BANP: variants seen among roughly 807,000 people sequenced by gnomAD.
BANP encodes the protein protein BANP.
In BANP, 11 loss-of-function variants were observed where a neutral mutation model predicts 68.1. The ratio of observed to expected loss-of-function variants is 0.16; its 90% CI spans 0.10 to 0.27. BANP has a LOEUF of 0.27. BANP is among the 10% of genes least tolerant of loss of function. The probability of loss-of-function intolerance (pLI) is 1.00; values close to 1 mark genes in which losing one functional copy is unlikely to be tolerated. For synonymous variants in BANP, 329 were observed against 303.2 expected (o/e 1.09, Z -0.88); for missense variants, 504 against 722.7 (o/e 0.70, Z 3.47).
chr16:88,005,772 A>C (rs2070860797), intron 5 of BANP, among the ~76,000 whole-genome samples: 1 of 152,252 alleles, frequency 6.6e-6, no homozygotes, highest in Admixed American at 6.5e-5. Flanking sequence ...AAAGACTCTT[A>C]CCAGCATTTT....
At chr16:88,033,269 C>T in intron 9 of BANP, 24 bp downstream of exon 9, 13 of 1,531,384 alleles carry the variant, frequency 8.5e-6, no homozygotes, top group Non-Finnish European at 1.2e-5. Context: ...CCACCTCACA[C>T]CTTGGGAAAG....
At chr16:88,037,789 G>A (rs773492811) in intron 10 of BANP, 184 bp from the exon 11 acceptor site, 25 of 620,712 alleles carry the variant, frequency 4.0e-5, no homozygotes, top group Admixed American at 8.3e-5. Flanking sequence ...ATAATAAATA[G>A]TACCTAGAAA....
chr16:88,060,469 A>T (rs1206036504), intron 11 of BANP, among the ~76,000 whole-genome samples: 2 of 152,100 alleles, frequency 1.3e-5, no homozygotes, highest in Non-Finnish European at 2.9e-5. Flanking sequence ...GACTGAAGTG[A>T]GCTTAGTGGG....
intron 7 of BANP, among the ~76,000 whole-genome samples, chr16:88,023,169 G>A (rs1228153090): frequency 3.3e-5 from 5 of 152,196 alleles, no homozygotes; most frequent in African/African-American, 1.2e-4. Context: ...TGAGAGCTGG[G>A]AGGAAGGTGT....
At chr16:87,960,962 A>G (rs539326672) in intron 1 of BANP, among the ~76,000 whole-genome samples, 4 of 152,358 alleles carry the variant, frequency 2.6e-5, no homozygotes, top group South Asian at 2.1e-4. Context: ...AGAGCTCCCA[A>G]TAAATCAGAT....
chr16:87,954,675 G>A (rs1161784725), intron 1 of BANP, among the ~76,000 whole-genome samples: 1 of 152,254 alleles, frequency 6.6e-6, no homozygotes, highest in Admixed American at 6.5e-5. Context: ...GGTTTGGCCT[G>A]CCCGCAGGGC....
chr16:88,030,699 GC>G (rs978380543), intron 8 of BANP, among the ~76,000 whole-genome samples: 1 of 152,218 alleles, frequency 6.6e-6, no homozygotes, highest in African/African-American at 2.4e-5. Flanking sequence ...AGCGTGTGAA[GC>G]CGAGTGTTTT....
At position 88,022,082 on chromosome 16, in the gene BANP, C is replaced by G. The variant is rs552488826; in HGVS notation, c.895+3415C>G. ...GGACCCCCCGAATTTGGGCAGCTAACCAAATTTGTGTGTTTTATGCAAAAG... is the reference window on the plus strand; with the variant it reads ...GGACCCCCCGAATTTGGGCAGCTAAGCAAATTTGTGTGTTTTATGCAAAAG... On this transcript the variant is annotated intron_variant, in intron 7 of 13. Transcript: ENST00000682872. Among the ~76,000 whole-genome samples, 15 of 152,268 alleles carry G rather than the reference C, an allele frequency of 9.9e-5. 1 individual carries two copies. In the South Asian group the frequency reaches 3.1e-3, roughly 32 times the overall value.
At chr16:88,032,190 C>T (rs2078327590) in intron 8 of BANP, among the ~76,000 whole-genome samples, 1 of 151,970 alleles carries the variant, frequency 6.6e-6, no homozygotes, top group African/African-American at 2.4e-5. Context: ...CACAGAATTT[C>T]ATCTTACTGC....
At chr16:87,976,516 GT>G (rs930752578) in intron 2 of BANP, among the ~76,000 whole-genome samples, 6 of 77,276 alleles carry the variant, frequency 7.8e-5, no homozygotes, top group African/African-American at 4.0e-4. Flanking sequence ...ATGTTTTATT[GT>G]TCTGTTAAGT....
intron 1 of BANP, among the ~76,000 whole-genome samples, chr16:87,970,986 T>G (rs8052276): frequency 6.7e-6 from 1 of 149,496 alleles, no homozygotes; most frequent in Non-Finnish European, 1.5e-5. Flanking sequence ...CACTGCACTC[T>G]GGCCTGGGCA....
At chr16:87,954,197 T>A (rs1270914619) in intron 1 of BANP, among the ~76,000 whole-genome samples, 1 of 152,236 alleles carries the variant, frequency 6.6e-6, no homozygotes, top group Non-Finnish European at 1.5e-5. Context: ...TCTCGTTTAT[T>A]CTCATTCTGG....
chr16:88,047,458 C>G (rs888018427), intron 11 of BANP, among the ~76,000 whole-genome samples: 1 of 152,174 alleles, frequency 6.6e-6, no homozygotes, highest in African/African-American at 2.4e-5. Flanking sequence ...CTTGGGTGTG[C>G]ATCAGTCAGG....
chr16:88,037,019 G>A (rs528963859), intron 10 of BANP, among the ~76,000 whole-genome samples: 2 of 152,304 alleles, frequency 1.3e-5, no homozygotes, highest in Admixed American at 1.3e-4. Context: ...GGCACAGACA[G>A]ATGTGGGCTG....
chr16:87,995,658 G>A (rs2066986978), intron 4 of BANP, among the ~76,000 whole-genome samples: 1 of 152,218 alleles, frequency 6.6e-6, no homozygotes, highest in African/African-American at 2.4e-5. Context: ...CACTCTGGGT[G>A]GGAAGGAGAC....
At chr16:87,961,407 G>GCCTC (rs149889657) in intron 1 of BANP, among the ~76,000 whole-genome samples, 1 of 117,570 alleles carries the variant, frequency 8.5e-6, no homozygotes, top group Admixed American at 8.8e-5. Context: ...CACAGAATCT[G>GCCTC]CACCCCCCCG....
chr16:87,961,801 C>G (rs1257628425), intron 1 of BANP, among the ~76,000 whole-genome samples: 1 of 152,122 alleles, frequency 6.6e-6, no homozygotes, highest in Non-Finnish European at 1.5e-5. Context: ...GACTAATGGG[C>G]TCTCCTCGTG....
At chr16:87,995,222 C>A (rs980550834) in intron 4 of BANP, among the ~76,000 whole-genome samples, 4 of 152,234 alleles carry the variant, frequency 2.6e-5, no homozygotes, top group African/African-American at 9.6e-5. Flanking sequence ...CCCGGGACAG[C>A]CCCTGACGGC....
intron 11 of BANP, among the ~76,000 whole-genome samples, chr16:88,061,615 C>G (rs2086813725): frequency 6.6e-6 from 1 of 151,824 alleles, no homozygotes; most frequent in Admixed American, 6.6e-5. Flanking sequence ...GATTTTAGGC[C>G]AGTTGGGGGC....
Sources: gnomAD v4.1 joint callset for allele counts (sites outside exome capture counted in the v4.1 genomes callset) on GRCh38, gnomAD v4.1.1 for gene constraint, MANE v1.5 for transcripts, NCBI Gene and HGNC (gene_info 2026-07-23, HGNC 2026-07-21) for gene names.